The following GALNT13 variants were observed in gnomAD, a reference collection of about 807,000 sequenced individuals.
The protein encoded by GALNT13 is polypeptide N-acetylgalactosaminyltransferase 13.
Under a neutral mutation model 64.2 loss-of-function variants are expected in GALNT13, and 28 were observed. That is an observed-to-expected ratio of 0.44 (90% CI 0.32 to 0.60). The LOEUF (loss-of-function observed/expected upper bound fraction) is 0.60. Ranked by LOEUF, GALNT13 falls within the 20% of genes least tolerant of loss-of-function variation. The pLI, the probability that GALNT13 is intolerant of heterozygous loss-of-function variation, is 0.05. For missense variants in GALNT13, 577 were observed against 669.8 expected (o/e 0.86, Z 1.53); for synonymous variants, 214 against 224.6 (o/e 0.95, Z 0.42).
intron 4 of GALNT13, among the ~76,000 whole-genome samples, chr2:154,208,632 G>C (rs974554877): frequency 1.6e-5 from 2 of 121,402 alleles, no homozygotes; most frequent in African/African-American, 3.3e-5. Context: ...GTCTGTGTGT[G>C]TGTGTGTGTG....
chr2:153,648,009 A>T, the GALNT13 span, among the ~76,000 whole-genome samples: 1 of 152,160 alleles, frequency 6.6e-6, no homozygotes, highest in Non-Finnish European at 1.5e-5. Context: ...GAAGAAAGTC[A>T]TTGGTAGCTT....
the GALNT13 span, among the ~76,000 whole-genome samples, chr2:153,264,456 T>G: frequency 0.034 from 5,232 of 152,258 alleles, 303 homozygotes; most frequent in African/African-American, 0.12. Flanking sequence ...CAAAGGAATA[T>G]AAATCATTCT....
chr2:154,437,521 G>A (rs762883076), intron 11 of GALNT13: 7 of 1,278,320 alleles, frequency 5.5e-6, no homozygotes, highest in Non-Finnish European at 7.1e-6. Context: ...AATGCTTATC[G>A]TAGTTAAAAG....
At chr2:154,286,357 C>T (rs1370051516) in intron 8 of GALNT13, among the ~76,000 whole-genome samples, 2 of 152,006 alleles carry the variant, frequency 1.3e-5, no homozygotes, top group Non-Finnish European at 2.9e-5. Flanking sequence ...TTATTCTATA[C>T]CTAGTTTTTT....
At chr2:154,125,529 T>C (rs1682210496) in intron 3 of GALNT13, among the ~76,000 whole-genome samples, 1 of 152,148 alleles carries the variant, frequency 6.6e-6, no homozygotes, top group Admixed American at 6.6e-5. Flanking sequence ...AACTATTTAC[T>C]GAAAGGCTAC....
At chr2:154,047,618 A>G (rs766896828) in intron 3 of GALNT13, among the ~76,000 whole-genome samples, 1 of 152,184 alleles carries the variant, frequency 6.6e-6, no homozygotes, top group African/African-American at 2.4e-5. Flanking sequence ...AATAAATACA[A>G]CAGCACCTGG....
the GALNT13 span, among the ~76,000 whole-genome samples, chr2:153,254,565 G>T: frequency 0.012 from 1,860 of 151,894 alleles, 14 homozygotes; most frequent in Middle Eastern, 0.041. Flanking sequence ...GATGTTAGGG[G>T]GTCAATTTTG....
the GALNT13 span, among the ~76,000 whole-genome samples, chr2:153,823,256 C>T: frequency 8.5e-5 from 13 of 152,146 alleles, no homozygotes; most frequent in African/African-American, 3.1e-4. Context: ...TCATTTTTCA[C>T]AGAAATAGAA....
At chr2:153,423,063 A>G in the GALNT13 span, among the ~76,000 whole-genome samples, 1 of 151,938 alleles carries the variant, frequency 6.6e-6, no homozygotes, top group African/African-American at 2.4e-5. Flanking sequence ...GATGTTAGTG[A>G]AAAAATTTCA....
chr2:154,112,066 A>C (rs1703015978), intron 3 of GALNT13, among the ~76,000 whole-genome samples: 1 of 152,186 alleles, frequency 6.6e-6, no homozygotes. Flanking sequence ...ATCTGGAGTA[A>C]GCATCTATTC....
At chr2:153,412,842 G>T in the GALNT13 span, among the ~76,000 whole-genome samples, 1 of 152,182 alleles carries the variant, frequency 6.6e-6, no homozygotes, top group African/African-American at 2.4e-5. Context: ...TTTGCACTCA[G>T]ATGGGTTGGA....
rs181707689 is a variant in GALNT13, at chr2:154,212,619, C to A, written c.312-29411C>A. Reference sequence around the variant, plus strand: ...TTCTTTTTCTTCCTATTCTTTTTCTCCTTTTCTTTCTCCTCCTCCTATCCC... The same window carrying A: ...TTCTTTTTCTTCCTATTCTTTTTCTACTTTTCTTTCTCCTCCTCCTATCCC... On this transcript the variant is annotated intron_variant, in intron 4 of 12. Transcript: ENST00000392825. 3.3e-5 allele frequency among the ~76,000 whole-genome samples: 5 copies of A among 151,988 alleles called. No individual in the cohort carries two copies. In the East Asian group the frequency reaches 9.7e-4, roughly 30 times the overall value.
At chr2:153,385,858 A>C in the GALNT13 span, among the ~76,000 whole-genome samples, 4 of 75,928 alleles carry the variant, frequency 5.3e-5, no homozygotes, top group South Asian at 3.6e-4. Context: ...ACTAAAAATA[A>C]AAATTAAAGA....
chr2:153,783,811 A>G, the GALNT13 span, among the ~76,000 whole-genome samples: 5 of 152,080 alleles, frequency 3.3e-5, no homozygotes, highest in Admixed American at 6.6e-5. Flanking sequence ...GTGAAGAAGG[A>G]TGTGTTTGCT....
chr2:154,241,010 C>G (rs936491671), intron 4 of GALNT13, among the ~76,000 whole-genome samples: 11 of 152,140 alleles, frequency 7.2e-5, no homozygotes, highest in Admixed American at 2.0e-4. Context: ...GCTGGCTTGC[C>G]GGTGCCTGCT....
chr2:153,360,455 C>T, the GALNT13 span, among the ~76,000 whole-genome samples: 1 of 152,094 alleles, frequency 6.6e-6, no homozygotes, highest in African/African-American at 2.4e-5. Context: ...TGTTAGCTTC[C>T]TAACACACTA....
chr2:153,730,962 T>G, the GALNT13 span, among the ~76,000 whole-genome samples: 3 of 151,696 alleles, frequency 2.0e-5, no homozygotes, highest in Admixed American at 6.6e-5. Context: ...TTATAATATA[T>G]CTCCTGCATT....
At chr2:153,216,629 T>C in the GALNT13 span, among the ~76,000 whole-genome samples, 2 of 152,092 alleles carry the variant, frequency 1.3e-5, no homozygotes, top group African/African-American at 4.8e-5. Context: ...GTCCAAATAA[T>C]TGCATCATTT....
At chr2:154,413,207 C>T (rs1217812485) in intron 11 of GALNT13, among the ~76,000 whole-genome samples, 1 of 151,848 alleles carries the variant, frequency 6.6e-6, no homozygotes, top group African/African-American at 2.4e-5. Flanking sequence ...CTCAAACCCA[C>T]CTGTTTCCAA....
Sources: gnomAD v4.1 joint callset for allele counts (sites outside exome capture counted in the v4.1 genomes callset) on GRCh38, gnomAD v4.1.1 for gene constraint, MANE v1.5 for transcripts, NCBI Gene and HGNC (gene_info 2026-07-23, HGNC 2026-07-21) for gene names.